The following RBFOX1 variants were observed in gnomAD, a reference collection of about 807,000 sequenced individuals.
RBFOX1 encodes the protein RNA binding fox-1 homolog 1.
Under a neutral mutation model 57.7 loss-of-function variants are expected in RBFOX1, and 8 were observed. The ratio of observed to expected loss-of-function variants is 0.14; its 90% CI spans 0.08 to 0.25. The LOEUF (loss-of-function observed/expected upper bound fraction) is 0.25, where lower values mean the gene tolerates loss of function less well. Among genes scored for constraint, RBFOX1 ranks in the 10% least tolerant of loss-of-function variants. The pLI is 1.00. For missense variants in RBFOX1, 611 were observed against 548.5 expected, an observed-to-expected ratio of 1.11 and a Z score of -1.14; for synonymous variants, 326 against 222.4, an observed-to-expected ratio of 1.47 and a Z score of -4.15.
intron 1 of RBFOX1, among the ~76,000 whole-genome samples, chr16:5,446,933 A>G (rs1244900492): frequency 2.6e-5 from 4 of 152,178 alleles, no homozygotes; most frequent in Non-Finnish European, 5.9e-5. Flanking sequence ...CTCATCTGCA[A>G]CATGGATTAC....
chr16:5,649,251 C>T (rs1329982102), intron 3 of RBFOX1, among the ~76,000 whole-genome samples: 8 of 151,968 alleles, frequency 5.3e-5, no homozygotes, highest in Non-Finnish European at 1.2e-4. Flanking sequence ...TCACTGCAAC[C>T]TCCGCCTCCT....
At position 6,176,412 on chromosome 16, in the gene RBFOX1, G is replaced by A. The variant is rs562486454; in HGVS notation, c.-126-140583G>A. 7.4e-5 allele frequency among the ~76,000 whole-genome samples: 11 copies of A among 148,510 alleles called. No individual in the cohort carries two copies. The East Asian group carries it at 2.0e-3, about 27-fold the overall frequency. On this transcript the variant is annotated intron_variant, in intron 1 of 15. Coordinates refer to ENST00000550418, the MANE Select transcript of RBFOX1 (RefSeq NM_018723.4). ...GACCTCAGGTCATCCGCCCGCCTCAGCCTCCCAAAGTGCTGGGATTACAGG... is the reference window on the plus strand; with the variant it reads ...GACCTCAGGTCATCCGCCCGCCTCAACCTCCCAAAGTGCTGGGATTACAGG...
chr16:7,299,942 T>C (rs1020295611), intron 4 of RBFOX1, among the ~76,000 whole-genome samples: 1 of 152,256 alleles, frequency 6.6e-6, no homozygotes, highest in African/African-American at 2.4e-5. Flanking sequence ...TATCCAGATG[T>C]GACCCCATCG....
chr16:7,348,450 G>A (rs577532461), intron 4 of RBFOX1, among the ~76,000 whole-genome samples: 1 of 151,796 alleles, frequency 6.6e-6, no homozygotes, highest in Admixed American at 6.6e-5. Flanking sequence ...AGACTAAGGT[G>A]ATGTCTTAAA....
At chr16:7,343,059 C>T (rs1019636678) in intron 4 of RBFOX1, among the ~76,000 whole-genome samples, 2 of 152,088 alleles carry the variant, frequency 1.3e-5, no homozygotes, top group African/African-American at 4.8e-5. Context: ...AGAGGCCTGT[C>T]CCCTCCGTTC....
At chr16:7,170,767 TAC>T (rs1298603491) in intron 4 of RBFOX1, among the ~76,000 whole-genome samples, 1 of 152,148 alleles carries the variant, frequency 6.6e-6, no homozygotes, top group Non-Finnish European at 1.5e-5. Context: ...CATGAGCAGC[TAC>T]AGTCTTAGGG....
At chr16:6,691,925 A>G (rs1315455819) in intron 3 of RBFOX1, among the ~76,000 whole-genome samples, 1 of 152,170 alleles carries the variant, frequency 6.6e-6, no homozygotes, top group Non-Finnish European at 1.5e-5. Context: ...ATATGGAGGA[A>G]GGGGCCATGG....
chr16:7,544,826 C>T (rs1013329291), intron 5 of RBFOX1, among the ~76,000 whole-genome samples: 2 of 152,068 alleles, frequency 1.3e-5, no homozygotes, highest in African/African-American at 4.8e-5. Context: ...TCCTTTATAG[C>T]ACTTATTGTA....
chr16:5,906,269 C>T (rs1406254925), intron 4 of RBFOX1, among the ~76,000 whole-genome samples: 1 of 151,998 alleles, frequency 6.6e-6, no homozygotes, highest in South Asian at 2.1e-4. Context: ...AGGGTGGGCC[C>T]CAAATGAAGT....
At chr16:7,088,551 T>TA (rs1219477471) in intron 4 of RBFOX1, among the ~76,000 whole-genome samples, 1 of 151,774 alleles carries the variant, frequency 6.6e-6, no homozygotes, top group Non-Finnish European at 1.5e-5. Context: ...GTTGTTTTTT[T>TA]TTCTGGAGAT....
At chr16:5,611,759 T>C (rs77188853) in intron 3 of RBFOX1, among the ~76,000 whole-genome samples, 123,845 of 131,072 alleles carry the variant, frequency 0.94, 58,550 homozygotes, top group East Asian at 1. Context: ...TTCACCCTTC[T>C]TTTCAGTCTC....
chr16:6,643,007 C>G (rs1048042671), intron 2 of RBFOX1, among the ~76,000 whole-genome samples: 2 of 152,176 alleles, frequency 1.3e-5, no homozygotes, highest in African/African-American at 4.8e-5. Context: ...TAGGTTGAAA[C>G]CATAGACTTT....
At chr16:6,511,298 C>G (rs1053891676) in intron 2 of RBFOX1, among the ~76,000 whole-genome samples, 1 of 152,172 alleles carries the variant, frequency 6.6e-6, no homozygotes, top group Non-Finnish European at 1.5e-5. Flanking sequence ...TGCTGGTTCA[C>G]TTTGGCTTGA....
intron 2 of RBFOX1, among the ~76,000 whole-genome samples, chr16:6,499,867 T>A (rs1228820280): frequency 1.3e-5 from 2 of 152,172 alleles, no homozygotes; most frequent in Non-Finnish European, 2.9e-5. Context: ...AGTTGTCACC[T>A]GCTTAGATTA....
chr16:5,500,926 G>T (rs763078403), intron 2 of RBFOX1, among the ~76,000 whole-genome samples: 2 of 152,136 alleles, frequency 1.3e-5, no homozygotes, highest in Admixed American at 6.5e-5. Context: ...AGGAATTATG[G>T]CTGGGAGAAG....
intron 4 of RBFOX1, among the ~76,000 whole-genome samples, chr16:7,303,706 G>A (rs1237551360): frequency 6.6e-6 from 1 of 152,030 alleles, no homozygotes; most frequent in Non-Finnish European, 1.5e-5. Flanking sequence ...TTCAGTGTGA[G>A]TCAAAACCTC....
chr16:6,042,187 G>T lies in RBFOX1; in HGVS notation c.-127+22195G>T, dbSNP rs1393519698. 4.7e-5 allele frequency among the ~76,000 whole-genome samples: 7 copies of T among 150,120 alleles called. No homozygotes were observed. The East Asian group carries it at 1.4e-3, about 29-fold the overall frequency. ...GCCATCTCGGCTGACTGCAACTTCT[G>T]CCTCCCAAGTTCAAGTGGTTCTCCT... On this transcript the variant is annotated intron_variant, in intron 1 of 15. Transcript: ENST00000550418.
rs115199210 is a variant in RBFOX1 at position 5,637,244 on chromosome 16, A to G, written c.318+38283A>G. 5.6e-3 allele frequency among the ~76,000 whole-genome samples: 855 copies of G among 152,288 alleles called. 8 individuals are homozygous for G. Among genetic ancestry groups the G allele is most frequent in the African/African-American group, 0.02 (812 of 41,560 alleles). On this transcript the variant is annotated intron_variant, in intron 3 of 19. Coordinates refer to the RBFOX1 transcript ENST00000641259. ...GTAGGCTTTCAAGCAGCCTCCAACA[A>G]TTAGGCTTTGGGCCATCGTACAAGG...
At chr16:5,987,246 G>A (rs1208752205) in intron 4 of RBFOX1, among the ~76,000 whole-genome samples, 3 of 151,986 alleles carry the variant, frequency 2.0e-5, no homozygotes, top group African/African-American at 7.3e-5. Context: ...TTATTACTGA[G>A]TTTTGAAAGT....
Sources: gnomAD v4.1 joint callset for allele counts (sites outside exome capture counted in the v4.1 genomes callset) on GRCh38, gnomAD v4.1.1 for gene constraint, MANE v1.5 for transcripts, NCBI Gene and HGNC (gene_info 2026-07-23, HGNC 2026-07-21) for gene names.